The following FBXW8 variants were observed in gnomAD, a reference collection of about 807,000 sequenced individuals.
FBXW8 encodes the protein F-box and WD repeat domain containing 8, also known as F-box/WD repeat-containing protein 8.
FBXW8 carries 57 observed loss-of-function variants against 65.3 expected under a neutral mutation model. The observed-to-expected ratio is 0.87, with a 90% CI of 0.71 to 1.09. FBXW8 has a LOEUF of 1.09. Ranked by LOEUF, FBXW8 falls within the 50% of genes least tolerant of loss-of-function variation. The pLI, the probability that FBXW8 is intolerant of heterozygous loss-of-function variation, is 0.00. For missense variants in FBXW8, 777 were observed against 814.8 expected (o/e 0.95, Z 0.57); for synonymous variants, 308 against 330.2 (o/e 0.93, Z 0.73).
At chr12:116,993,098 C>CTTTTT (rs71099026) in intron 7 of FBXW8, among the ~76,000 whole-genome samples, 42 of 85,400 alleles carry the variant, frequency 4.9e-4, no homozygotes, top group African/African-American at 6.0e-4. Context: ...TGATTTTTGA[C>CTTTTT]TTTTTTTTTT....
At chr12:116,963,444 A>G (rs946804538) in intron 4 of FBXW8, among the ~76,000 whole-genome samples, 1 of 152,080 alleles carries the variant, frequency 6.6e-6, no homozygotes, top group Non-Finnish European at 1.5e-5. Context: ...ACTAAAAACT[A>G]AAAAAACAAA....
Position 116,982,612 on chromosome 12 carries a change from T to C in FBXW8, c.836-2594T>C, listed in dbSNP as rs1010442159. The stretch of plus-strand genomic sequence containing the variant: ...GAGAAAGATTTGACCATTTAATTGA[T>C]GGAGCCCTGGATTTTTTTTTTTTTT... On this transcript the variant is annotated intron_variant, in intron 5 of 10. Transcript: ENST00000652555. Among the ~76,000 whole-genome samples the C allele has an allele frequency of 7.0e-5, 9 of 128,606 alleles. No homozygotes were observed. The Admixed American group carries it at 7.8e-4, about 11-fold the overall frequency. 84.4% of individuals were successfully genotyped at this position (128,606 alleles called of 152,430 possible).
chr12:116,992,409 T>G (rs1358387454), intron 7 of FBXW8, among the ~76,000 whole-genome samples: 2 of 149,766 alleles, frequency 1.3e-5, no homozygotes, highest in African/African-American at 2.5e-5. Flanking sequence ...CTTTTTTTTT[T>G]GAAGATCAGA....
rs756689499 is a variant in FBXW8 at position 116,945,464 on chromosome 12, C to G, written c.524C>G (p.Ser175Cys). Residue 175 changes from serine (S) to cysteine (C), a missense_variant, in exon 3 of 11, where the codon TCT becomes TGT. By Grantham distance (112) the Ser-to-Cys change is moderately radical. Coordinates refer to ENST00000652555, the MANE Select transcript of FBXW8 (RefSeq NM_153348.3). ...HLPDSSISDY[S>C]CWKLIFQECR... ...CCGGATAGCAGCATCTCTGACTATT[C>G]TTGCTGGAAGCTCATCTTCCAAGAG... 13 of 1,614,168 alleles carry G rather than the reference C, an allele frequency of 8.1e-6. No homozygotes were observed. The South Asian group carries it at 1.4e-4, about 18-fold the overall frequency.
intron 5 of FBXW8, among the ~76,000 whole-genome samples, chr12:116,973,147 A>G (rs934202093): frequency 1.3e-5 from 2 of 152,236 alleles, no homozygotes; most frequent in Admixed American, 1.3e-4. Context: ...AAATAGGAAT[A>G]TATGAGTATA....
rs772944537 is a variant in FBXW8, at chr12:116,928,110, C to G, written c.406C>G (p.Leu136Val). The G allele has an allele frequency of 6.2e-7, 1 of 1,607,724 alleles. No individual in the cohort carries two copies. Among genetic ancestry groups the G allele is most frequent in the South Asian group, 1.1e-5 (1 of 89,520 alleles). Reference sequence around the variant, plus strand: ...ATTTCAGTATCTGGACAGGAAAGAACTAGGAAGATGTGCACAGGTAAGGTG... The same window carrying G: ...ATTTCAGTATCTGGACAGGAAAGAAGTAGGAAGATGTGCACAGGTAAGGTG... Reference protein sequence around the residue: ...NIFQYLDRKELGRCAQVSKTW... With the variant: ...NIFQYLDRKEVGRCAQVSKTW... The change falls in exon 2 of 11, where the codon CTA becomes GTA. Residue 136 changes from leucine to valine, a missense_variant. Transcript: ENST00000652555.
intron 5 of FBXW8, chr12:116,978,970 T>C (rs552221036): frequency 1.3e-5 from 2 of 152,310 alleles, no homozygotes; most frequent in South Asian, 2.1e-4. Context: ...GGAAGCTTAA[T>C]TGCAATTTTG....
chr12:116,969,773 T>TC (rs1002234208), intron 5 of FBXW8, among the ~76,000 whole-genome samples: 3 of 151,492 alleles, frequency 2.0e-5, no homozygotes, highest in Non-Finnish European at 4.4e-5. Context: ...GGAAAGGGAG[T>TC]CATCCCTGCA....
At chr12:116,926,630 C>G (rs116127079) in intron 1 of FBXW8, among the ~76,000 whole-genome samples, 1,683 of 152,256 alleles carry the variant, frequency 0.011, 31 homozygotes, top group African/African-American at 0.038. Flanking sequence ...CTTCTAATTA[C>G]AATTGCAGAT....
At chr12:117,018,873 A>G (rs1315207118) in intron 8 of FBXW8, among the ~76,000 whole-genome samples, 1 of 152,230 alleles carries the variant, frequency 6.6e-6, no homozygotes, top group Non-Finnish European at 1.5e-5. Context: ...ACTGTAAATT[A>G]TGGAGTATAA....
intron 7 of FBXW8, among the ~76,000 whole-genome samples, chr12:117,010,099 C>T (rs929258519): frequency 1.3e-5 from 2 of 152,158 alleles, no homozygotes; most frequent in Non-Finnish European, 2.9e-5. Context: ...TTGAGGAATT[C>T]GCTGGATTTC....
chr12:116,975,035 A>G (rs1266143021), intron 5 of FBXW8, among the ~76,000 whole-genome samples: 1 of 152,206 alleles, frequency 6.6e-6, no homozygotes, highest in Non-Finnish European at 1.5e-5. Context: ...TGGATAATTA[A>G]TTACCCATGA....
At chr12:117,009,237 G>T (rs1953748346) in intron 7 of FBXW8, among the ~76,000 whole-genome samples, 1 of 152,058 alleles carries the variant, frequency 6.6e-6, no homozygotes, top group African/African-American at 2.4e-5. Flanking sequence ...AAGAAAGAAA[G>T]ATATCATCAG....
rs1012054342 is a variant in FBXW8 at position 116,936,514 on chromosome 12, G to C, written c.423+8387G>C. The stretch of plus-strand genomic sequence containing the variant: ...TTACAAGTCTTGTAAGAGGGAGGCA[G>C]GACGTCAGGGAGGAGAGAAGATGCT... On this transcript the variant is annotated intron_variant, in intron 2 of 10. Coordinates refer to ENST00000652555, the MANE Select transcript of FBXW8 (RefSeq NM_153348.3). This position sits in a 1 kb window ranked among gnomAD's most constrained non-coding sequence, Gnocchi z 4.6. Among the ~76,000 whole-genome samples the C allele has an allele frequency of 1.3e-5, 2 of 152,172 alleles. No individual in the cohort carries two copies. Among genetic ancestry groups the C allele is most frequent in the South Asian group, 4.1e-4 (2 of 4,824 alleles).
chr12:116,934,246 G>C (rs1881996965), intron 2 of FBXW8, among the ~76,000 whole-genome samples: 1 of 152,040 alleles, frequency 6.6e-6, no homozygotes, highest in Admixed American at 6.5e-5. Flanking sequence ...TTTGTGATCT[G>C]TGTGTACTTT....
intron 2 of FBXW8, among the ~76,000 whole-genome samples, chr12:116,938,807 A>G (rs551722300): frequency 3.3e-5 from 5 of 152,326 alleles, no homozygotes; most frequent in African/African-American, 1.2e-4. Context: ...CACATAATTT[A>G]AAAGATTGCT....
chr12:117,026,134 C>T (rs748005065), intron 9 of FBXW8, among the ~76,000 whole-genome samples: 9 of 152,256 alleles, frequency 5.9e-5, no homozygotes, highest in Non-Finnish European at 1.3e-4. Flanking sequence ...TCCCGCTGTC[C>T]GCTTCAGTCT....
chr12:117,028,395 C>T lies in FBXW8; in HGVS notation c.*223C>T. 1.7e-6 allele frequency: 1 copy of T among 591,230 alleles called. No homozygotes were observed. The highest frequency in any genetic ancestry group is 3.0e-6 in the Non-Finnish European group (1 of 338,592). The allele number at this position is 591,230 out of a possible 1,614,324, so 36.6% of individuals were successfully genotyped here. A position where few individuals can be genotyped will look rare whatever the true frequency, so the allele number is the denominator to read the frequency against. ...GAGTCCCACGTGCTGCCAACTCAAA[C>T]ATAGCCTCCTTCCCCACCCAGCTGG... On this transcript the variant is annotated 3_prime_UTR_variant, in exon 11 of 11. Coordinates refer to ENST00000652555, the MANE Select transcript of FBXW8 (RefSeq NM_153348.3). The surrounding 1 kb of genome is among the most constrained non-coding windows in gnomAD (Gnocchi z 4.1).
intron 7 of FBXW8, among the ~76,000 whole-genome samples, chr12:116,999,349 C>G (rs1389143254): frequency 6.6e-6 from 1 of 152,176 alleles, no homozygotes; most frequent in African/African-American, 2.4e-5. Flanking sequence ...GTGGGATGAC[C>G]GACTGGCCCC....
Sources: gnomAD v4.1 joint callset for allele counts (sites outside exome capture counted in the v4.1 genomes callset) on GRCh38, gnomAD v4.1.1 for gene constraint, Gnocchi (gnomAD v3.1) non-coding constraint, MANE v1.5 for transcripts, NCBI Gene and HGNC (gene_info 2026-07-23, HGNC 2026-07-21) for gene names.